TMEM165: variants seen among roughly 807,000 people sequenced by gnomAD.
The protein encoded by TMEM165 is transmembrane protein 165, also known as putative divalent cation/proton antiporter TMEM165.
Under a neutral mutation model 30.0 loss-of-function variants are expected in TMEM165, and 19 were observed. That is an observed-to-expected ratio of 0.63 (90% CI 0.44 to 0.93). The LOEUF (loss-of-function observed/expected upper bound fraction) is 0.93, where lower values mean the gene tolerates loss of function less well. TMEM165 is among the 40% of genes least tolerant of loss of function. The pLI is 0.00. For missense variants in TMEM165, 340 were observed against 417.0 expected, an observed-to-expected ratio of 0.82 and a Z score of 1.61; for synonymous variants, 168 against 162.9, an observed-to-expected ratio of 1.03 and a Z score of -0.24.
intron 3 of TMEM165, among the ~76,000 whole-genome samples, chr4:55,441,346 G>C (rs1215844497): frequency 6.6e-6 from 1 of 152,164 alleles, no homozygotes. Flanking sequence ...ACTAAAAGTA[G>C]ATCTACCATT....
chr4:55,433,358 T>C (rs1223626294), intron 3 of TMEM165: 5 of 152,666 alleles, frequency 3.3e-5, no homozygotes, highest in East Asian at 1.9e-4. Context: ...CAATTTTCTT[T>C]GGTTGTTTTC....
At chr4:55,443,367 C>T (rs773988977) in intron 3 of TMEM165, among the ~76,000 whole-genome samples, 30 of 151,044 alleles carry the variant, frequency 2.0e-4, no homozygotes, top group African/African-American at 2.7e-4. Flanking sequence ...CCCAGCTACT[C>T]GGGAGGTTGG....
chr4:55,407,704 C>A (rs1459155001), intron 1 of TMEM165, among the ~76,000 whole-genome samples: 1 of 152,114 alleles, frequency 6.6e-6, no homozygotes, highest in Non-Finnish European at 1.5e-5. Context: ...TGGATAGTTA[C>A]CAGAATCAAG....
At chr4:55,443,783 A>G (rs772747453) in intron 3 of TMEM165, 1 of 1,614,096 alleles carries the variant, frequency 6.2e-7, no homozygotes, top group Non-Finnish European at 8.5e-7. Flanking sequence ...GGTTAGTAGG[A>G]ACAACTTGGC....
At chr4:55,414,307 C>G (rs1388105575) in intron 2 of TMEM165, among the ~76,000 whole-genome samples, 3 of 150,374 alleles carry the variant, frequency 2.0e-5, no homozygotes, top group Admixed American at 2.0e-4. Context: ...TTAAATATTT[C>G]ACTTGTGTTA....
At chr4:55,435,334 C>T (rs1722793941) in intron 3 of TMEM165, 1 of 1,534,152 alleles carries the variant, frequency 6.5e-7, no homozygotes, top group Non-Finnish European at 9.0e-7. Flanking sequence ...TGGAACTTTC[C>T]CTCCTTTCCT....
chr4:55,414,369 C>T (rs1721643863), intron 2 of TMEM165, among the ~76,000 whole-genome samples: 3 of 151,832 alleles, frequency 2.0e-5, no homozygotes, highest in African/African-American at 7.2e-5. Flanking sequence ...TATTTTGCCT[C>T]AACTGTTAAA....
At chr4:55,449,374 G>C in intron 3 of TMEM165, 1 of 1,573,572 alleles carries the variant, frequency 6.4e-7, no homozygotes, top group Non-Finnish European at 8.7e-7. Flanking sequence ...TTATTCAGAA[G>C]AATATCCACT....
intron 5 of TMEM165, 112 bp from the exon 6 acceptor site, chr4:55,425,264 A>T: frequency 1.3e-6 from 1 of 777,708 alleles, no homozygotes; most frequent in Non-Finnish European, 2.1e-6. Flanking sequence ...TTTCAAGGTT[A>T]GTTTAATAGA....
downstream of TMEM165, chr4:55,427,986 G>C (rs536782126): frequency 6.6e-6 from 1 of 152,176 alleles, no homozygotes; most frequent in Middle Eastern, 3.2e-3. Context: ...CATGAAGCAG[G>C]TGTTATTTTT....
chr4:55,400,541 C>A (rs1720955762), intron 1 of TMEM165, among the ~76,000 whole-genome samples: 1 of 148,100 alleles, frequency 6.8e-6, no homozygotes. Flanking sequence ...AGGCTCACGC[C>A]ATTCTCCTGC....
intron 1 of TMEM165, among the ~76,000 whole-genome samples, chr4:55,406,129 C>T (rs565975966): frequency 7.2e-5 from 11 of 152,326 alleles, no homozygotes; most frequent in African/African-American, 1.9e-4. Flanking sequence ...GGTAGCCCTA[C>T]AGCTATTAAC....
chr4:55,446,290 T>C (rs1476733970), intron 3 of TMEM165, among the ~76,000 whole-genome samples: 1 of 152,026 alleles, frequency 6.6e-6, no homozygotes. Context: ...GGTCTCACTA[T>C]GTTGCCTAGT....
chr4:55,447,288 C>T (rs1164669904), intron 3 of TMEM165, among the ~76,000 whole-genome samples: 2 of 151,880 alleles, frequency 1.3e-5, no homozygotes, highest in Non-Finnish European at 2.9e-5. Context: ...CGCCTGAGCT[C>T]AGGAAGCAGA....
intron 1 of TMEM165, among the ~76,000 whole-genome samples, chr4:55,400,272 A>AATATAATATTATATATTATATATAATATT (rs1720913250): frequency 6.0e-5 from 5 of 83,174 alleles, no homozygotes; most frequent in East Asian, 4.6e-4. Flanking sequence ...TATAATATAT[A>AATATAATATTATATATTATATATAATATT]ATATAATATT....
chr4:55,412,452 G>A (rs1300434640), intron 2 of TMEM165, among the ~76,000 whole-genome samples: 2 of 143,936 alleles, frequency 1.4e-5, no homozygotes, highest in Non-Finnish European at 3.0e-5. Flanking sequence ...AATCTACCCA[G>A]TGACTCTAAA....
chr4:55,435,494 T>A, intron 3 of TMEM165: 1 of 1,614,068 alleles, frequency 6.2e-7, no homozygotes, highest in Non-Finnish European at 8.5e-7. Context: ...CTGAGACTGA[T>A]GTTGCTGGTG....
At chr4:55,418,727 A>G (rs1375672905) in intron 4 of TMEM165, among the ~76,000 whole-genome samples, 1 of 152,118 alleles carries the variant, frequency 6.6e-6, no homozygotes, top group Non-Finnish European at 1.5e-5. Context: ...ACATGGAAAA[A>G]TTTTAAAAGG....
At chr4:55,413,337 C>CCTGGGTG (rs1721591953) in intron 2 of TMEM165, among the ~76,000 whole-genome samples, 1 of 151,948 alleles carries the variant, frequency 6.6e-6, no homozygotes, top group African/African-American at 2.4e-5. Flanking sequence ...TATTTTGAGA[C>CCTGGGTG]AGACTCTTGC....
Sources: allele counts gnomAD v4.1 joint callset (sites outside exome capture counted in the v4.1 genomes callset), GRCh38; gene constraint gnomAD v4.1.1; transcripts MANE v1.5; gene names NCBI Gene and HGNC (gene_info 2026-07-23, HGNC 2026-07-21).